The following SLC39A14 variants were observed in gnomAD, a reference collection of about 807,000 sequenced individuals.
SLC39A14 encodes the protein solute carrier family 39 member 14, also known as metal cation symporter ZIP14.
In SLC39A14, 19 loss-of-function variants were observed where a neutral mutation model predicts 45.5. The observed-to-expected ratio is 0.42, with a 90% CI of 0.29 to 0.61. The LOEUF (loss-of-function observed/expected upper bound fraction) is 0.61, where lower values mean the gene tolerates loss of function less well. SLC39A14 is among the 20% of genes least tolerant of loss of function. The probability of loss-of-function intolerance (pLI) is 0.22; values close to 1 mark genes in which losing one functional copy is unlikely to be tolerated. For synonymous variants in SLC39A14, 264 were observed against 251.3 expected, an observed-to-expected ratio of 1.05 and a Z score of -0.48; for missense variants, 447 against 616.5, an observed-to-expected ratio of 0.73 and a Z score of 2.91.
chr8:22,414,920 C>G lies in SLC39A14; in HGVS notation c.750+18C>G. The G allele has an allele frequency of 1.2e-6, 2 of 1,608,850 alleles. No homozygotes were observed. Among genetic ancestry groups the G allele is most frequent in the Non-Finnish European group, 1.7e-6 (2 of 1,178,864 alleles). On this transcript the variant is annotated intron_variant, in intron 5 of 8. Transcript: ENST00000381237. ...AAAATGAGGTGAGGCCCAATTGTTG[C>G]TGAAGAAAGCTCTTCTAGGGAAAAC...
At chr8:22,407,190 T>C (rs1835273768) in intron 2 of SLC39A14, among the ~76,000 whole-genome samples, 1 of 152,178 alleles carries the variant, frequency 6.6e-6, no homozygotes, top group Non-Finnish European at 1.5e-5. Flanking sequence ...TGTGTGGGGC[T>C]GATCGGGCAG....
At chr8:22,405,033 C>T (rs569314079) in intron 2 of SLC39A14, 53 bp downstream of exon 2, 1 of 1,567,440 alleles carries the variant, frequency 6.4e-7, no homozygotes, top group Non-Finnish European at 8.7e-7. Flanking sequence ...TCTGGCCTCT[C>T]AGGGTTCCCT....
intron 1 of SLC39A14, among the ~76,000 whole-genome samples, chr8:22,370,642 G>A (rs972779858): frequency 6.6e-6 from 1 of 152,204 alleles, no homozygotes; most frequent in African/African-American, 2.4e-5. Flanking sequence ...GATCCTAAAT[G>A]TGATTATGAA....
rs1217115773 is a variant in SLC39A14, at chr8:22,414,815, C to T, written c.663C>T (p.Val221=). 2 of 1,612,290 alleles carry T rather than the reference C, an allele frequency of 1.2e-6. No homozygotes were observed. The highest frequency in any genetic ancestry group is 4.5e-5 in the East Asian group (2 of 44,868). ...TCAACCCTCTGGAAGATTATTATGT[C>T]TCCAAGTCTGCAGTGGTGTTTGGGG... ...FGFNPLEDYY[V]SKSAVVFGGF... The change falls in exon 5 of 9, where the codon GTC becomes GTT. Residue 221 remains valine, a synonymous_variant. Coordinates refer to ENST00000381237, the MANE Select transcript of SLC39A14 (RefSeq NM_001128431.4).
At chr8:22,388,920 T>C (rs1471868412) in intron 1 of SLC39A14, among the ~76,000 whole-genome samples, 1 of 152,210 alleles carries the variant, frequency 6.6e-6, no homozygotes, top group African/African-American at 2.4e-5. Context: ...GCTTTTTTAT[T>C]AATCTGTTGA....
chr8:22,368,106 G>A (rs749530681), intron 1 of SLC39A14, among the ~76,000 whole-genome samples: 6 of 152,144 alleles, frequency 3.9e-5, no homozygotes, highest in Non-Finnish European at 8.8e-5. Flanking sequence ...TCTGGTGCTT[G>A]CCAGGGCCTG....
chr8:22,396,057 CT>C (rs1344050773), intron 1 of SLC39A14, among the ~76,000 whole-genome samples: 2 of 151,976 alleles, frequency 1.3e-5, no homozygotes, highest in Admixed American at 6.6e-5. Flanking sequence ...AGTTGTATTC[CT>C]TTTCCGTTAG....
intron 1 of SLC39A14, among the ~76,000 whole-genome samples, chr8:22,371,768 G>GGA (rs201248029): frequency 0.093 from 11,659 of 125,622 alleles, 524 homozygotes; most frequent in Non-Finnish European, 0.11. Context: ...TTTTTGAGAC[G>GGA]GAGCCTTGCT....
chr8:22,370,664 C>T (rs550331150), intron 1 of SLC39A14, among the ~76,000 whole-genome samples: 77 of 152,294 alleles, frequency 5.1e-4, no homozygotes, highest in African/African-American at 1.8e-3. Flanking sequence ...TTGCTGACAC[C>T]TCCAGTCTTT....
intron 1 of SLC39A14, among the ~76,000 whole-genome samples, chr8:22,402,337 A>C (rs1167956691): frequency 6.6e-6 from 1 of 152,012 alleles, no homozygotes; most frequent in East Asian, 1.9e-4. Flanking sequence ...GTGAGCCAAG[A>C]TCTGGCCACT....
In SLC39A14 at chr8:22,420,858, A is replaced by C. The variant is rs770313236; in HGVS notation, c.*1160A>C. On this transcript the variant is annotated 3_prime_UTR_variant, in exon 9 of 9. Transcript: ENST00000381237. ...ATGGTTGGCCTAATGATTATGCTAC[A>C]GATGGGTTTTAAATGACCCGTCTAG... The C allele has an allele frequency of 1.2e-4, 120 of 985,572 alleles. No homozygotes were observed. The highest frequency in any genetic ancestry group is 3.1e-4 in the Admixed American group (5 of 16,288). The allele number at this position is 985,572 out of a possible 1,614,324, so 61.1% of individuals were successfully genotyped here. A position where few individuals can be genotyped will look rare whatever the true frequency, so the allele number is the denominator to read the frequency against.
intron 8 of SLC39A14, among the ~76,000 whole-genome samples, chr8:22,430,206 T>C (rs1836446280): frequency 7.4e-6 from 1 of 134,916 alleles, no homozygotes; most frequent in African/African-American, 2.6e-5. Context: ...ACTCAAGAGA[T>C]CCTCCCACCT....
chr8:22,410,252 C>T (rs1247576396), intron 3 of SLC39A14: 2 of 854,776 alleles, frequency 2.3e-6, no homozygotes, highest in African/African-American at 3.3e-5. Flanking sequence ...CGTATCAAAG[C>T]CACAAACGAC....
rs185796108 is a variant in SLC39A14 at position 22,387,876 on chromosome 8, T to C, written c.-15-16820T>C. Among the ~76,000 whole-genome samples the C allele has an allele frequency of 6.2e-3, 944 of 152,322 alleles. 9 individuals carry two copies. Among genetic ancestry groups the C allele is most frequent in the African/African-American group, 0.02 (832 of 41,572 alleles). On this transcript the variant is annotated intron_variant, in intron 1 of 8. Coordinates refer to ENST00000381237, the MANE Select transcript of SLC39A14 (RefSeq NM_001128431.4). ...ACTTTGGGAGGCCAAGGTGGGCAGA[T>C]CACCTGAGGTTGGGAGTTTAAGATC...
downstream of SLC39A14, among the ~76,000 whole-genome samples, chr8:22,426,184 G>A (rs577150799): frequency 2.0e-5 from 3 of 150,906 alleles, no homozygotes; most frequent in African/African-American, 4.9e-5. Context: ...GAGCCACCGC[G>A]CCCGGCTTGT....
chr8:22,398,150 C>T (rs148679587), intron 1 of SLC39A14: 10 of 152,412 alleles, frequency 6.6e-5, no homozygotes, highest in East Asian at 1.9e-4. Flanking sequence ...TCTACTTGGC[C>T]GCCCCCTCCA....
At chr8:22,427,263 C>T (rs111635182), downstream of SLC39A14, among the ~76,000 whole-genome samples, 7 of 152,108 alleles carry the variant, frequency 4.6e-5, 3 homozygotes, top group African/African-American at 1.7e-4. Flanking sequence ...TGCACTCCAG[C>T]CTGGGCAACA....
At chr8:22,419,450 T>C (rs555057323) in intron 8 of SLC39A14, 102 bp from the exon 9 acceptor site, 340 of 1,212,962 alleles carry the variant, frequency 2.8e-4, no homozygotes, top group Non-Finnish European at 3.8e-4. Context: ...CTGATAATTT[T>C]CTTTGTCAAC....
At chr8:22,423,828 T>C (rs2132395475), downstream of SLC39A14, among the ~76,000 whole-genome samples, 1 of 88,310 alleles carries the variant, frequency 1.1e-5, no homozygotes, top group South Asian at 5.1e-4. Context: ...TCTTCCTATG[T>C]AGATAGATAA....
Sources: allele counts gnomAD v4.1 joint callset (sites outside exome capture counted in the v4.1 genomes callset), GRCh38; gene constraint gnomAD v4.1.1; transcripts MANE v1.5; gene names NCBI Gene and HGNC (gene_info 2026-07-23, HGNC 2026-07-21).